Variants in SEC24B observed in about 807,000 individuals in gnomAD.
SEC24B encodes protein transport protein Sec24B.
In SEC24B, 45 loss-of-function variants were observed where a neutral mutation model predicts 142.8. That is an observed-to-expected ratio of 0.32 (90% CI 0.25 to 0.40). The LOEUF (loss-of-function observed/expected upper bound fraction) is 0.40. SEC24B is among the 10% of genes least tolerant of loss of function. SEC24B has a pLI of 1.00. For synonymous variants in SEC24B, 574 were observed against 568.2 expected (o/e 1.01, Z -0.15); for missense variants, 1,409 against 1,526.8 (o/e 0.92, Z 1.29).
intron 1 of SEC24B, among the ~76,000 whole-genome samples, chr4:109,456,871 G>T (rs963048086): frequency 2.0e-5 from 3 of 152,186 alleles, no homozygotes; most frequent in African/African-American, 7.2e-5. Context: ...TTATACTTCA[G>T]TGTGCAATAA....
At chr4:109,509,942 T>C (rs1278452518) in intron 7 of SEC24B, 67 bp from the exon 8 acceptor site, 5 of 911,358 alleles carry the variant, frequency 5.5e-6, no homozygotes, top group Non-Finnish European at 8.4e-6. Context: ...TTCTTAGTTA[T>C]CTTATCTACT....
At chr4:109,498,361 G>A (rs1735741536) in intron 6 of SEC24B, among the ~76,000 whole-genome samples, 1 of 152,080 alleles carries the variant, frequency 6.6e-6, no homozygotes, top group Non-Finnish European at 1.5e-5. Context: ...TTTAAAAGAA[G>A]CCTTTTTTTA....
Position 109,538,518 on chromosome 4 carries a change from T to G in SEC24B, c.3614T>G (p.Leu1205Arg). 1 of 1,613,132 alleles carries G rather than the reference T, an allele frequency of 6.2e-7. No homozygotes were observed. Among genetic ancestry groups the G allele is most frequent in the Non-Finnish European group, 8.5e-7 (1 of 1,179,156 alleles). Reference sequence around the variant, plus strand: ...ACACATCTTCCAGAGCTAGATACACTTTCATCAGAAAGAGCCAGATCCTTC... The same window carrying G: ...ACACATCTTCCAGAGCTAGATACACGTTCATCAGAAAGAGCCAGATCCTTC... ...KMTHLPELDT[L>R]SSERARSFIT... Residue 1205 changes from leucine to arginine, a missense_variant, in exon 23 of 24, where the codon CTT (leucine) becomes CGT (arginine). Physicochemically the swap from Leu to Arg is moderately radical, Grantham distance 102. Transcript: ENST00000265175.
At chr4:109,496,019 T>C (rs1735506910) in intron 6 of SEC24B, among the ~76,000 whole-genome samples, 1 of 152,166 alleles carries the variant, frequency 6.6e-6, no homozygotes, top group South Asian at 2.1e-4. Context: ...CTTAGCAGTT[T>C]AACAACTGAT....
intron 15 of SEC24B, 48 bp from the exon 16 acceptor site, chr4:109,525,298 A>G (rs6812906): frequency 0.6 from 879,947 of 1,455,014 alleles, 271,074 homozygotes; most frequent in African/African-American, 0.93. Flanking sequence ...TGGACAAGTA[A>G]AATATTATTA....
chr4:109,463,713 A>G (rs1731557963), intron 2 of SEC24B, 69 bp downstream of exon 2: 1 of 1,543,904 alleles, frequency 6.5e-7, no homozygotes, highest in South Asian at 1.3e-5. Flanking sequence ...GTTATTATTT[A>G]CATGAAGGTT....
intron 2 of SEC24B, among the ~76,000 whole-genome samples, chr4:109,471,863 C>T (rs1263627230): frequency 6.6e-6 from 1 of 152,128 alleles, no homozygotes; most frequent in Non-Finnish European, 1.5e-5. Context: ...ACTTTTATTT[C>T]TGCCACATAC....
chr4:109,522,903 TG>T (rs1723808435), intron 14 of SEC24B, among the ~76,000 whole-genome samples: 1 of 152,220 alleles, frequency 6.6e-6, no homozygotes, highest in Admixed American at 6.5e-5. Flanking sequence ...TTTTTTCTTT[TG>T]TTTTTTAAAA....
rs1725296005 is a variant in SEC24B, at chr4:109,534,556, C to T, written c.3588+871C>T. Among the ~76,000 whole-genome samples, 3 of 151,926 alleles carry T rather than the reference C, an allele frequency of 2.0e-5. No individual in the cohort carries two copies. The South Asian group carries it at 6.2e-4, about 32-fold the overall frequency. ...GAGCCGAGATCGTGCCACTGCACTC[C>T]AGCCTGGGTGACACAGCGAGACTCC... On this transcript the variant is annotated intron_variant, in intron 22 of 23. Transcript: ENST00000265175.
intron 2 of SEC24B, among the ~76,000 whole-genome samples, chr4:109,466,539 T>C (rs1289228611): frequency 6.6e-6 from 1 of 152,152 alleles, no homozygotes; most frequent in East Asian, 1.9e-4. Context: ...GCCTGCCGAG[T>C]AGCTGGGACT....
At chr4:109,481,123 C>T (rs1257164542) in intron 3 of SEC24B, among the ~76,000 whole-genome samples, 1 of 152,140 alleles carries the variant, frequency 6.6e-6, no homozygotes, top group Admixed American at 6.5e-5. Context: ...CCGTCCCCCA[C>T]TCCCAGAGTA....
chr4:109,450,614 C>A (rs370354248), intron 1 of SEC24B, among the ~76,000 whole-genome samples: 1 of 148,070 alleles, frequency 6.8e-6, no homozygotes, highest in Non-Finnish European at 1.5e-5. Flanking sequence ...GCCAAGATCA[C>A]GCCACTGCAC....
chr4:109,517,712 A>G (rs1723098403), intron 11 of SEC24B, among the ~76,000 whole-genome samples: 1 of 152,222 alleles, frequency 6.6e-6, no homozygotes, highest in Admixed American at 6.5e-5. Flanking sequence ...CATGACAGAT[A>G]CATACAATCT....
intron 1 of SEC24B, among the ~76,000 whole-genome samples, chr4:109,447,887 G>A (rs1165437522): frequency 1.2e-4 from 18 of 152,232 alleles, no homozygotes. Flanking sequence ...CCCTTCTAGA[G>A]AATCTAAGGG....
intron 2 of SEC24B, 99 bp downstream of exon 2, chr4:109,463,743 A>G: frequency 6.7e-7 from 1 of 1,490,148 alleles, no homozygotes; most frequent in Admixed American, 2.3e-5. Context: ...ATTGCCTAAT[A>G]GAAAAACTGG....
intron 4 of SEC24B, 27 bp downstream of exon 4, chr4:109,481,808 T>G (rs747246730): frequency 1.8e-5 from 28 of 1,545,904 alleles, no homozygotes; most frequent in Non-Finnish European, 2.5e-5. Context: ...CACCAGTTCT[T>G]GATCTTTTCC....
Position 109,525,662 on chromosome 4 carries a change from T to C in SEC24B, c.2791+158T>C, listed in dbSNP as rs74849101. On this transcript the variant is annotated intron_variant, in intron 16 of 23. Coordinates refer to ENST00000265175, the MANE Select transcript of SEC24B (RefSeq NM_006323.5). ...TAGATAATAGTTATTGAATAATCCTTGCCCAATTTTTAAAAATAACTTGAA... is the reference window on the plus strand; with the variant it reads ...TAGATAATAGTTATTGAATAATCCTCGCCCAATTTTTAAAAATAACTTGAA... 3.3e-5 allele frequency among the ~76,000 whole-genome samples: 5 copies of C among 152,246 alleles called. No homozygotes were observed. In the East Asian group the frequency reaches 9.6e-4, roughly 29 times the overall value.
chr4:109,485,787 C>T (rs754855724), intron 4 of SEC24B, among the ~76,000 whole-genome samples: 4 of 152,022 alleles, frequency 2.6e-5, no homozygotes, highest in African/African-American at 4.8e-5. Context: ...AATAAAGTAG[C>T]GATTTGGAGT....
At chr4:109,496,677 T>C (rs1735575182) in intron 6 of SEC24B, among the ~76,000 whole-genome samples, 1 of 152,086 alleles carries the variant, frequency 6.6e-6, no homozygotes. Context: ...AGGAAAATTA[T>C]TTGTTTCTGG....
Sources: allele counts gnomAD v4.1 joint callset (sites outside exome capture counted in the v4.1 genomes callset), GRCh38; gene constraint gnomAD v4.1.1; transcripts MANE v1.5; gene names NCBI Gene and HGNC (gene_info 2026-07-23, HGNC 2026-07-21).